Variants in PIK3CA observed in about 807,000 individuals in gnomAD.
PIK3CA encodes phosphatidylinositol-4,5-bisphosphate 3-kinase catalytic subunit alpha, also known as phosphatidylinositol 4,5-bisphosphate 3-kinase catalytic subunit alpha isoform.
A neutral mutation model predicts 138.2 loss-of-function variants in PIK3CA; 27 were observed. The observed-to-expected ratio is 0.20, with a 90% CI of 0.14 to 0.27. The LOEUF (loss-of-function observed/expected upper bound fraction) is 0.27. Ranked by LOEUF, PIK3CA falls within the 10% of genes least tolerant of loss-of-function variation. The pLI is 1.00. For synonymous variants in PIK3CA, 358 were observed against 413.2 expected (o/e 0.87, Z 1.62); for missense variants, 544 against 1,277.4 (o/e 0.43, Z 8.75).
intron 1 of PIK3CA, among the ~76,000 whole-genome samples, chr3:179,196,984 G>T (rs1724280179): frequency 6.6e-6 from 1 of 152,122 alleles, no homozygotes; most frequent in Non-Finnish European, 1.5e-5. Flanking sequence ...AGGAGTCAGG[G>T]ATGGCAGGTT....
At position 179,208,067 on chromosome 3, in the gene PIK3CA, T is replaced by A. The variant is rs928520623; in HGVS notation, c.1146-1528T>A. On this transcript the variant is annotated intron_variant, in intron 6 of 20. Coordinates refer to ENST00000263967, the MANE Select transcript of PIK3CA (RefSeq NM_006218.4). ...ATAGCAATACCCTATCTCTAAAAAATAATAATAATAATAACATTTGTTTTT... is the reference window on the plus strand; with the variant it reads ...ATAGCAATACCCTATCTCTAAAAAAAAATAATAATAATAACATTTGTTTTT... Among the ~76,000 whole-genome samples the A allele has an allele frequency of 1.5e-4, 23 of 151,982 alleles. 1 individual carries two copies. The highest frequency in any genetic ancestry group is 1.5e-4 in the Non-Finnish European group (10 of 67,990).
chr3:179,210,060 A>T, intron 7 of PIK3CA, 126 bp from the exon 8 acceptor site: 39 of 563,938 alleles, frequency 6.9e-5, no homozygotes, highest in South Asian at 8.2e-5. Flanking sequence ...TGAAAAATCA[A>T]TTTTTTTTTT....
Position 179,180,004 on chromosome 3 carries a change from C to G in PIK3CA, c.-76-18746C>G, listed in dbSNP as rs187655445. Among the ~76,000 whole-genome samples the G allele has an allele frequency of 2.4e-4, 37 of 152,034 alleles. 1 individual carries two copies. The highest frequency in any genetic ancestry group is 1.8e-3 in the Admixed American group (27 of 15,268). ...AAAACTGTAAAGGGAAAAGATTGAT[C>G]TAGTAAGATTAGAGCTTGGAGTGTG... On this transcript the variant is annotated intron_variant, in intron 1 of 20. Transcript: ENST00000263967.
chr3:179,209,498 T>G, intron 6 of PIK3CA, 97 bp from the exon 7 acceptor site: 1 of 633,858 alleles, frequency 1.6e-6, no homozygotes, highest in Non-Finnish European at 2.7e-6. Flanking sequence ...TGTTTTTCGT[T>G]TGGTTGATCT....
At chr3:179,177,459 T>A (rs965153599) in intron 1 of PIK3CA, among the ~76,000 whole-genome samples, 2 of 151,896 alleles carry the variant, frequency 1.3e-5, no homozygotes, top group Non-Finnish European at 2.9e-5. Context: ...ATTACAGGCA[T>A]CTGCCACCAC....
intron 1 of PIK3CA, among the ~76,000 whole-genome samples, chr3:179,155,977 C>T (rs1414539681): frequency 6.6e-6 from 1 of 152,124 alleles, no homozygotes; most frequent in Non-Finnish European, 1.5e-5. Context: ...TCTTCACCTG[C>T]AAAATTTCTA....
At chr3:179,172,741 A>G (rs1332109450) in intron 1 of PIK3CA, among the ~76,000 whole-genome samples, 1 of 152,186 alleles carries the variant, frequency 6.6e-6, no homozygotes, top group Non-Finnish European at 1.5e-5. Flanking sequence ...TGAGAGGTAC[A>G]CTATATTCAT....
intron 6 of PIK3CA, among the ~76,000 whole-genome samples, 172 bp downstream of exon 6, chr3:179,204,760 G>A (rs545233378): frequency 6.6e-6 from 1 of 151,992 alleles, no homozygotes; most frequent in African/African-American, 2.4e-5. Flanking sequence ...GGTGGCTCAT[G>A]CCTGTAATCC....
At chr3:179,228,503 A>C (rs1335933086) in intron 17 of PIK3CA, among the ~76,000 whole-genome samples, 1 of 152,082 alleles carries the variant, frequency 6.6e-6, no homozygotes, top group East Asian at 1.9e-4. Flanking sequence ...AAAATATCAC[A>C]ATTATCTGAA....
Position 179,219,235 on chromosome 3 carries a change from G to A in PIK3CA, c.1704G>A (p.Leu568=). ...CTATCCCCGAAATTCTACCCAAATT[G>A]CTTCTGTCTGTTAAATGGAATTCTA... is the stretch of plus-strand genomic sequence containing the variant. The part of the protein sequence containing the change: ...CVTIPEILPK[L]LLSVKWNSRD... Residue 568 remains leucine (L), a synonymous_variant, in exon 11 of 21, where the codon TTG becomes TTA. Coordinates refer to ENST00000263967, the MANE Select transcript of PIK3CA (RefSeq NM_006218.4). The surrounding 1 kb of genome is among the most constrained non-coding windows in gnomAD (Gnocchi z 4.2). 6.2e-7 allele frequency: 1 copy of A among 1,606,126 alleles called. No individual in the cohort carries two copies. Among genetic ancestry groups the A allele is most frequent in the Non-Finnish European group, 8.5e-7 (1 of 1,173,346 alleles).
rs1409093708 is a variant in PIK3CA, at chr3:179,236,160, A to G, written c.*1796A>G. On this transcript the variant is annotated 3_prime_UTR_variant, in exon 21 of 21. Transcript: ENST00000263967. Reference sequence around the variant, plus strand: ...TAGTGAACAAGGGACTCTAATACCAATACTCTTAATATCTGGCTATTTTAG... The same window carrying G: ...TAGTGAACAAGGGACTCTAATACCAGTACTCTTAATATCTGGCTATTTTAG... 4.9e-6 allele frequency: 1 copy of G among 204,946 alleles called. No homozygotes were observed. The highest frequency in any genetic ancestry group is 1.0e-5 in the Non-Finnish European group (1 of 100,124). 12.7% of individuals were successfully genotyped at this position (204,946 alleles called of 1,614,324 possible). A position where few individuals can be genotyped will look rare whatever the true frequency, so the allele number is the denominator to read the frequency against.
intron 14 of PIK3CA, among the ~76,000 whole-genome samples, chr3:179,223,249 C>T (rs1725008320): frequency 6.6e-6 from 1 of 152,118 alleles, no homozygotes; most frequent in Admixed American, 6.6e-5. Context: ...ATTTAAATTC[C>T]AGCATGAAAA....
chr3:179,231,456 C>G (rs1330955481), intron 20 of PIK3CA, among the ~76,000 whole-genome samples: 3 of 151,948 alleles, frequency 2.0e-5, no homozygotes, highest in African/African-American at 7.3e-5. Context: ...TCCATGTCAA[C>G]ATCTGTTGTT....
In PIK3CA at chr3:179,224,092, GTT is replaced by G; in HGVS notation, c.2203_2204del (p.Leu735SerfsTer2). The G allele has an allele frequency of 6.3e-7, 1 of 1,594,224 alleles. No individual in the cohort carries two copies. Among genetic ancestry groups the G allele is most frequent in the Non-Finnish European group, 8.6e-7 (1 of 1,162,954 alleles). On this transcript the variant is annotated frameshift_variant, in exon 15 of 21. Coordinates refer to ENST00000263967, the MANE Select transcript of PIK3CA (RefSeq NM_006218.4). LOFTEE classifies it high-confidence loss of function. ...TTTTTTTTAATCAGGTACAGATGAA[GTT>G]TTTAGTTGAGCAAATGAGGCGACCA... ...KDETQKVQMK[F>X]LVEQMRRPDF...
intron 10 of PIK3CA, among the ~76,000 whole-genome samples, chr3:179,218,988 G>A (rs1221581937): frequency 6.6e-6 from 1 of 151,900 alleles, no homozygotes; most frequent in African/African-American, 2.4e-5. Flanking sequence ...TTCCTTTTGT[G>A]TTCTTTGCCA....
intron 1 of PIK3CA, among the ~76,000 whole-genome samples, chr3:179,187,794 T>C (rs916506249): frequency 6.6e-6 from 1 of 151,316 alleles, no homozygotes; most frequent in Non-Finnish European, 1.5e-5. Context: ...CCCGCCACCA[T>C]GCCTGGCTAA....
chr3:179,161,076 T>A (rs1438643910), intron 1 of PIK3CA, among the ~76,000 whole-genome samples: 1 of 152,202 alleles, frequency 6.6e-6, no homozygotes, highest in Non-Finnish European at 1.5e-5. Flanking sequence ...TCAGTAGCAA[T>A]GTCTTCTGTC....
At chr3:179,160,068 C>G (rs4855093) in intron 1 of PIK3CA, among the ~76,000 whole-genome samples, 1 of 151,874 alleles carries the variant, frequency 6.6e-6, no homozygotes, top group East Asian at 1.9e-4. Flanking sequence ...TGAAGGCCCA[C>G]GACATTACTA....
Position 179,222,259 on chromosome 3 carries a change from G to T in PIK3CA, c.2187+1102G>T, listed in dbSNP as rs1259944690. 2.0e-5 allele frequency among the ~76,000 whole-genome samples: 3 copies of T among 151,908 alleles called. No individual in the cohort carries two copies. In the South Asian group the frequency reaches 6.2e-4, roughly 32 times the overall value. Reference sequence around the variant, plus strand: ...AAGGAAAAAAAAAAATTAAAACAAAGTTATTGTATTAATGTAAATGTCATA... The same window carrying T: ...AAGGAAAAAAAAAAATTAAAACAAATTTATTGTATTAATGTAAATGTCATA... On this transcript the variant is annotated intron_variant, in intron 14 of 20. Transcript: ENST00000263967.
Sources: gnomAD v4.1 joint callset for allele counts (sites outside exome capture counted in the v4.1 genomes callset) on GRCh38, gnomAD v4.1.1 for gene constraint, Gnocchi (gnomAD v3.1) non-coding constraint, MANE v1.5 for transcripts, NCBI Gene and HGNC (gene_info 2026-07-23, HGNC 2026-07-21) for gene names.